The following EFHB variants were observed in gnomAD, a reference collection of about 807,000 sequenced individuals.
EFHB encodes EF-hand domain family member B, also known as EF-hand domain-containing family member B.
EFHB carries 91 observed loss-of-function variants against 87.2 expected under a neutral mutation model. That is an observed-to-expected ratio of 1.04 (90% CI 0.88 to 1.24). EFHB has a LOEUF of 1.24. EFHB is among the 50% of genes most tolerant of loss of function. The pLI is 0.00. For synonymous variants in EFHB, 325 were observed against 333.6 expected, an observed-to-expected ratio of 0.97 and a Z score of 0.28; for missense variants, 1,084 against 998.8, an observed-to-expected ratio of 1.09 and a Z score of -1.15.
intron 5 of EFHB, among the ~76,000 whole-genome samples, chr3:19,909,910 C>T (rs1014538170): frequency 1.3e-5 from 2 of 151,988 alleles, no homozygotes. Context: ...ACCTGCTAAC[C>T]GAAGAGCTCT....
chr3:19,881,628 A>C (rs12495858), intron 12 of EFHB, among the ~76,000 whole-genome samples: 25,918 of 152,112 alleles, frequency 0.17, 2,881 homozygotes, highest in African/African-American at 0.31. Flanking sequence ...GGCCAGTAAG[A>C]AAGCATCAGC....
At chr3:19,898,040 T>G (rs1396606837) in intron 8 of EFHB, among the ~76,000 whole-genome samples, 1 of 152,216 alleles carries the variant, frequency 6.6e-6, no homozygotes, top group Admixed American at 6.5e-5. Flanking sequence ...CCTGGATGAT[T>G]TTAATGCAGG....
At chr3:19,903,035 G>C (rs1694724578) in intron 6 of EFHB, among the ~76,000 whole-genome samples, 1 of 151,962 alleles carries the variant, frequency 6.6e-6, no homozygotes, top group African/African-American at 2.4e-5. Flanking sequence ...AAATTAGCCA[G>C]GCATGGTGGC....
chr3:19,884,265 G>C, intron 11 of EFHB, 138 bp downstream of exon 11: 3 of 764,494 alleles, frequency 3.9e-6, no homozygotes, highest in Non-Finnish European at 6.2e-6. Flanking sequence ...CTCCTCCCCA[G>C]GTGGTTAGAA....
At chr3:19,887,060 C>A in intron 10 of EFHB, among the ~76,000 whole-genome samples, 1 of 151,686 alleles carries the variant, frequency 6.6e-6, no homozygotes. Flanking sequence ...TCATAGAAAC[C>A]AAAAAAGCAT....
At chr3:19,883,585 G>A (rs1024837820) in intron 11 of EFHB, among the ~76,000 whole-genome samples, 1 of 152,098 alleles carries the variant, frequency 6.6e-6, no homozygotes, top group Non-Finnish European at 1.5e-5. Flanking sequence ...CCAAAATTTA[G>A]ATGGTGAAGT....
chr3:19,916,836 T>C (rs1037168464), intron 4 of EFHB, among the ~76,000 whole-genome samples: 1 of 152,196 alleles, frequency 6.6e-6, no homozygotes, highest in Non-Finnish European at 1.5e-5. Context: ...AATTGAGTTA[T>C]ATAAACGAAT....
At chr3:19,939,446 G>T (rs187285242) in intron 1 of EFHB, among the ~76,000 whole-genome samples, 2 of 133,968 alleles carry the variant, frequency 1.5e-5, no homozygotes, top group African/African-American at 2.8e-5. Context: ...GTGCAGTGGC[G>T]CGATCTTGGC....
intron 1 of EFHB, 75 bp downstream of exon 1, chr3:19,933,155 T>G: frequency 6.9e-7 from 1 of 1,458,066 alleles, no homozygotes; most frequent in Non-Finnish European, 9.1e-7. Flanking sequence ...CAAAACAAAT[T>G]TTATCACTTT....
intron 11 of EFHB, among the ~76,000 whole-genome samples, chr3:19,883,271 G>T (rs1480151590): frequency 2.0e-5 from 3 of 152,130 alleles, no homozygotes; most frequent in Non-Finnish European, 4.4e-5. Context: ...AAGATTCTGG[G>T]ATTATGGGCA....
At chr3:19,911,627 A>G (rs751917318) in intron 5 of EFHB, among the ~76,000 whole-genome samples, 2 of 152,040 alleles carry the variant, frequency 1.3e-5, no homozygotes, top group Non-Finnish European at 2.9e-5. Context: ...TGGAACTGAA[A>G]AATTCAATTG....
At position 19,879,642 on chromosome 3, in the gene EFHB, T is replaced by C; in HGVS notation, c.2491A>G (p.Thr831Ala). The C allele has an allele frequency of 6.3e-7, 1 of 1,582,200 alleles. No homozygotes were observed. Among genetic ancestry groups the C allele is most frequent in the East Asian group, 2.3e-5 (1 of 44,388 alleles). ...GAAGTCCAAAAATATCACATGAGTG[T>C]TTTACACTTGATCCGGTCTGCATGC... Reference protein sequence around the residue: ...LRHADRIKCKTLM With the variant: ...LRHADRIKCKALM Residue 831 changes from threonine to alanine, a missense_variant, in exon 13 of 13, where the codon ACA becomes GCA. Transcript: ENST00000295824.
chr3:19,920,807 T>A (rs1236367681), intron 1 of EFHB, among the ~76,000 whole-genome samples: 1 of 152,194 alleles, frequency 6.6e-6, no homozygotes, highest in Non-Finnish European at 1.5e-5. Context: ...AGCACTAACA[T>A]TGTTAGTGAT....
chr3:19,936,200 AT>A (rs138963871), upstream of EFHB: 650 of 1,050,072 alleles, frequency 6.2e-4, 4 homozygotes, highest in African/African-American at 9.4e-3. Context: ...CAAGAATTCA[AT>A]TAGCCCAGCG....
Position 19,895,880 on chromosome 3 carries a change from G to A in EFHB, c.1725+807C>T, listed in dbSNP as rs552904789. ...TGGCAGTTTCTTATAGTGCTCCTCAGCATAAGCTAAAGGCAGTGCAGCTCG... is the reference window on the plus strand; with the variant it reads ...TGGCAGTTTCTTATAGTGCTCCTCAACATAAGCTAAAGGCAGTGCAGCTCG... On this transcript the variant is annotated intron_variant, in intron 9 of 12. Coordinates refer to ENST00000295824, the MANE Select transcript of EFHB (RefSeq NM_144715.4). 3.9e-5 allele frequency among the ~76,000 whole-genome samples: 6 copies of A among 152,294 alleles called. No individual in the cohort carries two copies. In the South Asian group the frequency reaches 1.2e-3, roughly 32 times the overall value.
chr3:19,925,070 A>C (rs1040168123), intron 1 of EFHB, among the ~76,000 whole-genome samples: 57 of 151,574 alleles, frequency 3.8e-4, no homozygotes, highest in Non-Finnish European at 1.0e-4. Flanking sequence ...ACGGTGAAAC[A>C]TCTCTACTAA....
chr3:19,918,382 T>C lies in EFHB; in HGVS notation c.1027A>G (p.Thr343Ala). 1 of 1,609,132 alleles carries C rather than the reference T, an allele frequency of 6.2e-7. No homozygotes were observed. The change falls in exon 4 of 13, where the codon ACC becomes GCC. Residue 343 changes from threonine (T) to alanine (A), a missense_variant. Coordinates refer to ENST00000295824, the MANE Select transcript of EFHB (RefSeq NM_144715.4). ...TCTTTAATTTTCTGTTGAAATGTGG[T>C]AATAGGCTGTGGGTTTATCAATGTG... ...ANTLINPQPI[T>A]TFQQKIKDKK... is the part of the protein sequence containing the mutation.
At chr3:19,935,278 C>A (rs546797716), upstream of EFHB, among the ~76,000 whole-genome samples, 29 of 152,150 alleles carry the variant, frequency 1.9e-4, no homozygotes, top group Non-Finnish European at 3.7e-4. Flanking sequence ...GATAATGTGG[C>A]AAACTAAAAC....
intron 9 of EFHB, chr3:19,894,984 C>CAAAAAAAA (rs574397425): frequency 6.7e-5 from 8 of 120,036 alleles, no homozygotes; most frequent in African/African-American, 2.9e-4. Context: ...GACTTTGTCT[C>CAAAAAAAA]AAAAAATATA....
Sources: allele counts gnomAD v4.1 joint callset (sites outside exome capture counted in the v4.1 genomes callset), GRCh38; gene constraint gnomAD v4.1.1; transcripts MANE v1.5; gene names NCBI Gene and HGNC (gene_info 2026-07-23, HGNC 2026-07-21).